IQGAP2: variants seen among roughly 807,000 people sequenced by gnomAD.
IQGAP2 encodes the protein ras GTPase-activating-like protein IQGAP2.
A neutral mutation model predicts 201.3 loss-of-function variants in IQGAP2; 173 were observed. The ratio of observed to expected loss-of-function variants is 0.86; its 90% CI spans 0.76 to 0.98. The LOEUF is 0.98. Among genes scored for constraint, IQGAP2 ranks in the 50% least tolerant of loss-of-function variants. The pLI, the probability that IQGAP2 is intolerant of heterozygous loss-of-function variation, is 0.00. For synonymous variants in IQGAP2, 675 were observed against 673.9 expected, an observed-to-expected ratio of 1.00 and a Z score of -0.03; for missense variants, 1,687 against 1,864.8, an observed-to-expected ratio of 0.90 and a Z score of 1.76.
At chr5:76,608,939 TGATGTAAAGAAGTGGACC>T (rs751667520) in intron 12 of IQGAP2, 354 of 617,982 alleles carry the variant, frequency 5.7e-4, no homozygotes, top group Non-Finnish European at 9.1e-4. Flanking sequence ...TAACATGTGT[TGATGTAAAGAAGTGGACC>T]GTGGGCTGAG....
chr5:76,486,675 T>C (rs966295102), intron 2 of IQGAP2, among the ~76,000 whole-genome samples: 4 of 152,214 alleles, frequency 2.6e-5, no homozygotes, highest in Admixed American at 1.3e-4. Flanking sequence ...ATAAAATGAA[T>C]GTTATCACAC....
chr5:76,635,240 A>G (rs1003707208), intron 15 of IQGAP2, among the ~76,000 whole-genome samples: 2 of 152,226 alleles, frequency 1.3e-5, no homozygotes, highest in Admixed American at 6.5e-5. Flanking sequence ...CCCACGTGTC[A>G]TATTTGGATG....
intron 31 of IQGAP2, chr5:76,693,877 C>T (rs1235429227): frequency 6.5e-6 from 1 of 155,036 alleles, no homozygotes; most frequent in African/African-American, 2.4e-5. Context: ...GTTGAGTCCA[C>T]TGAGTCAAAG....
In IQGAP2 at chr5:76,658,535, G is replaced by A. The variant is rs925461433; in HGVS notation, c.2397G>A (p.Gln799=). The A allele has an allele frequency of 2.5e-6, 4 of 1,614,042 alleles. No individual in the cohort carries two copies. The highest frequency in any genetic ancestry group is 3.4e-6 in the Non-Finnish European group (4 of 1,179,982). Residue 799 remains glutamine (Q), a synonymous_variant, in exon 21 of 36, where the codon CAG becomes CAA. Coordinates refer to ENST00000274364, the MANE Select transcript of IQGAP2 (RefSeq NM_006633.5). ...YLLDQSDLDF[Q]EELEVARLRE... ...TGGACCAAAGTGATTTGGATTTCCA[G>A]GAGGAACTAGAGGTTGCACGATTAA...
chr5:76,589,524 A>G (rs1746495944), intron 6 of IQGAP2, 91 bp from the exon 7 acceptor site: 4 of 649,698 alleles, frequency 6.2e-6, no homozygotes, highest in Admixed American at 3.4e-5. Flanking sequence ...CCTGATGAAG[A>G]CATTTCTTGA....
intron 2 of IQGAP2, among the ~76,000 whole-genome samples, chr5:76,533,347 C>G (rs1352710487): frequency 1.3e-5 from 2 of 152,108 alleles, no homozygotes; most frequent in Non-Finnish European, 2.9e-5. Flanking sequence ...CAGGTACATG[C>G]CACACGCTTG....
At chr5:76,692,329 C>T (rs1247771090) in intron 30 of IQGAP2, among the ~76,000 whole-genome samples, 1 of 152,086 alleles carries the variant, frequency 6.6e-6, no homozygotes, top group Non-Finnish European at 1.5e-5. Flanking sequence ...TTTTTGTATC[C>T]TTAGTAGGGA....
chr5:76,555,018 C>T (rs1743841154), intron 2 of IQGAP2, among the ~76,000 whole-genome samples: 1 of 151,932 alleles, frequency 6.6e-6, no homozygotes, highest in Non-Finnish European at 1.5e-5. Context: ...CATAGATGAA[C>T]CTTGAAAACA....
At chr5:76,674,442 C>A in intron 26 of IQGAP2, 35 bp from the exon 27 acceptor site, 1 of 1,303,862 alleles carries the variant, frequency 7.7e-7, no homozygotes. Flanking sequence ...AGTTTTCTCT[C>A]TTAAAAATGG....
At chr5:76,607,911 T>A (rs138766207) in intron 12 of IQGAP2, 6 of 152,398 alleles carry the variant, frequency 3.9e-5, no homozygotes, top group Middle Eastern at 3.4e-3. Context: ...TCCCCAATTC[T>A]TGGCAATACC....
At position 76,437,362 on chromosome 5, in the gene IQGAP2, A is replaced by T. The variant is rs892718494; in HGVS notation, c.47-24208A>T. On this transcript the variant is annotated intron_variant, in intron 1 of 35. Coordinates refer to ENST00000274364, the MANE Select transcript of IQGAP2 (RefSeq NM_006633.5). ...GCCACCATGCCCAGCCTATCTTTTTAAAAAATTTTTATTTTATTTTATTTT... is the reference window on the plus strand; with the variant it reads ...GCCACCATGCCCAGCCTATCTTTTTTAAAAATTTTTATTTTATTTTATTTT... 3.3e-5 allele frequency among the ~76,000 whole-genome samples: 5 copies of T among 152,262 alleles called. No individual in the cohort carries two copies. The East Asian group carries it at 7.7e-4, about 23-fold the overall frequency.
intron 4 of IQGAP2, among the ~76,000 whole-genome samples, chr5:76,574,435 C>T (rs56338424): frequency 0.071 from 10,765 of 152,090 alleles, 805 homozygotes; most frequent in East Asian, 0.43. Flanking sequence ...TCCCAAGTAG[C>T]TGGGATTACA....
In IQGAP2 at chr5:76,417,621, C is replaced by T. The variant is rs1751485269; in HGVS notation, c.46+14030C>T. Among the ~76,000 whole-genome samples the T allele has an allele frequency of 3.3e-5, 5 of 151,982 alleles. No individual in the cohort carries two copies. The South Asian group carries it at 1.0e-3, about 32-fold the overall frequency. Reference sequence around the variant, plus strand: ...TTTTTGAGACAGGGTCTGGCTGTGTCACAGGCTGGAGTTCAGTGGTGCGAT... The same window carrying T: ...TTTTTGAGACAGGGTCTGGCTGTGTTACAGGCTGGAGTTCAGTGGTGCGAT... On this transcript the variant is annotated intron_variant, in intron 1 of 35. Coordinates refer to ENST00000274364, the MANE Select transcript of IQGAP2 (RefSeq NM_006633.5).
chr5:76,570,220 G>A (rs1745015565), intron 3 of IQGAP2, among the ~76,000 whole-genome samples: 2 of 152,308 alleles, frequency 1.3e-5, no homozygotes, highest in Non-Finnish European at 2.9e-5. Flanking sequence ...TCTCAGCCAT[G>A]GTTGCCAAAA....
At chr5:76,646,888 T>A (rs1752082488) in intron 17 of IQGAP2, among the ~76,000 whole-genome samples, 1 of 152,220 alleles carries the variant, frequency 6.6e-6, no homozygotes, top group Non-Finnish European at 1.5e-5. Context: ...TTTATTCTAT[T>A]GTGTTGTTTA....
chr5:76,669,821 A>G (rs748903632), intron 23 of IQGAP2, among the ~76,000 whole-genome samples: 7 of 152,100 alleles, frequency 4.6e-5, no homozygotes, highest in African/African-American at 9.6e-5. Context: ...TTAAGGCTCT[A>G]TTTGCTTTTT....
chr5:76,425,377 T>G (rs1338984339), intron 1 of IQGAP2, among the ~76,000 whole-genome samples: 3 of 152,166 alleles, frequency 2.0e-5, no homozygotes, highest in South Asian at 4.1e-4. Context: ...GAAGTCTGAA[T>G]AGCAAACAGC....
chr5:76,570,633 G>T lies in IQGAP2; in HGVS notation c.357G>T (p.Ala119=), dbSNP rs746302129. The T allele has an allele frequency of 5.0e-6, 8 of 1,613,470 alleles. No homozygotes were observed. In the East Asian group the frequency reaches 1.6e-4, roughly 31 times the overall value. ...ATAATACCGTCCAGTGGTTAAGAGC[G>T]ATGGAGTCTATTGGTCTACCCAAGG... ...HTDNTVQWLR[A]MESIGLPKIF... Residue 119 remains alanine, a synonymous_variant, in exon 4 of 36, where the codon GCG becomes GCT. Transcript: ENST00000274364.
At position 76,471,437 on chromosome 5, in the gene IQGAP2, T is replaced by G. The variant is rs1458298162; in HGVS notation, c.146+9768T>G. Among the ~76,000 whole-genome samples, 4 of 151,308 alleles carry G rather than the reference T, an allele frequency of 2.6e-5. No individual in the cohort carries two copies. The East Asian group carries it at 7.8e-4, about 29-fold the overall frequency. On this transcript the variant is annotated intron_variant, in intron 2 of 35. Transcript: ENST00000274364. ...TTTAGAAATATTATCTTCAAAGGTC[T>G]CTTTAGGTAAGCCAAGCCATTGGCT...
Sources: allele counts gnomAD v4.1 joint callset (sites outside exome capture counted in the v4.1 genomes callset), GRCh38; gene constraint gnomAD v4.1.1; transcripts MANE v1.5; gene names NCBI Gene and HGNC (gene_info 2026-07-23, HGNC 2026-07-21).